The following ZNF669 variants were observed in gnomAD, a reference collection of about 807,000 sequenced individuals.
ZNF669 encodes the protein zinc finger protein 669.
In ZNF669, 7 loss-of-function variants were observed where a neutral mutation model predicts 11.4. That is an observed-to-expected ratio of 0.62 (90% CI 0.35 to 1.16). ZNF669 has a LOEUF of 1.16. Ranked by LOEUF, ZNF669 falls within the 50% of genes most tolerant of loss-of-function variation. ZNF669 has a pLI of 0.02. For synonymous variants in ZNF669, 153 were observed against 155.8 expected, an observed-to-expected ratio of 0.98 and a Z score of 0.13; for missense variants, 492 against 463.6, an observed-to-expected ratio of 1.06 and a Z score of -0.56.
In ZNF669 at chr1:247,100,150, A is replaced by G. The variant is rs557606951; in HGVS notation, c.*224T>C. 1 of 400,680 alleles carries G rather than the reference A, an allele frequency of 2.5e-6. No individual in the cohort carries two copies. Among genetic ancestry groups the G allele is most frequent in the Non-Finnish European group, 4.4e-6 (1 of 224,788 alleles). The allele number at this position is 400,680 out of a possible 1,614,324, so 24.8% of individuals were successfully genotyped here. On this transcript the variant is annotated 3_prime_UTR_variant, in exon 4 of 4. Transcript: ENST00000448299. The stretch of plus-strand genomic sequence containing the variant: ...CAGGCGTCTGCCACCACGCCCAGCT[A>G]ATTTTTTGTATTTTTAGTAGAGACG...
chr1:247,100,362 G>T lies in ZNF669; in HGVS notation c.*12C>A. ...CATTGTTTTAATCCAGGCTGGTTATGAACTCCTGGGCTCAAGCAATCCACA... is the reference window on the plus strand; with the variant it reads ...CATTGTTTTAATCCAGGCTGGTTATTAACTCCTGGGCTCAAGCAATCCACA... On this transcript the variant is annotated 3_prime_UTR_variant, in exon 4 of 4. Coordinates refer to ENST00000448299, the MANE Select transcript of ZNF669 (RefSeq NM_001142572.2). 6.8e-7 allele frequency: 1 copy of T among 1,475,840 alleles called. No homozygotes were observed. Among genetic ancestry groups the T allele is most frequent in the South Asian group, 1.2e-5 (1 of 82,990 alleles). 91.4% of individuals were successfully genotyped at this position (1,475,840 alleles called of 1,614,324 possible). A position where few individuals can be genotyped will look rare whatever the true frequency, so the allele number is the denominator to read the frequency against.
rs370332542 is a variant in ZNF669, at chr1:247,100,595, A to T, written c.916T>A (p.Cys306Ser). The change falls in exon 4 of 4, where the codon TGT becomes AGT. Residue 306 changes from cysteine (C) to serine (S), a missense_variant. Coordinates refer to ENST00000448299, the MANE Select transcript of ZNF669 (RefSeq NM_001142572.2). ...CTGAAGGCTTGATCACATTGTTTAC[A>T]TTCATAGGGTTTCTCTCCGGTATGA... The part of the protein sequence containing the change: ...STHTGEKPYE[C>S]KQCDQAFSRL... 7.4e-6 allele frequency: 12 copies of T among 1,614,100 alleles called. No individual in the cohort carries two copies. The African/African-American group carries it at 1.6e-4, about 22-fold the overall frequency.
Position 247,100,402 on chromosome 1 carries a change from A to G in ZNF669, c.1109T>C (p.Leu370Ser), listed in dbSNP as rs766832571. Residue 370 changes from leucine (L) to serine (S), a missense_variant, in exon 4 of 4, where the codon TTG (leucine) becomes TCG (serine). Transcript: ENST00000448299. The stretch of plus-strand genomic sequence containing the variant: ...AGCAATCCACACGCCTTGGCCTCCC[A>G]AAGTGCTGGGATTATAGGCTGAGTC... ...CSDSAYNPSTLGGQGVWIA is the reference protein window; with the variant it reads ...CSDSAYNPSTSGGQGVWIA 2.0e-5 allele frequency: 33 copies of G among 1,611,556 alleles called. No individual in the cohort carries two copies. The East Asian group carries it at 5.8e-4, about 28-fold the overall frequency.
Position 247,101,088 on chromosome 1 carries a change from A to T in ZNF669, c.423T>A (p.Cys141Ter). 6.2e-7 allele frequency: 1 copy of T among 1,614,090 alleles called. No individual in the cohort carries two copies. Among genetic ancestry groups the T allele is most frequent in the Non-Finnish European group, 8.5e-7 (1 of 1,180,028 alleles). Reference protein sequence around the residue: ...YGEKQYKCEQCGKFFVSVPGV... With the variant: ...YGEKQYKCEQ ...CTGGAACAGAAACGAAGAATTTCCC[A>T]CACTGTTCACATTTATATTGCTTCT... The change falls in exon 4 of 4, where the codon TGT (cysteine) becomes TGA (stop). Residue 141 changes from cysteine to a stop codon, truncating the protein, a stop_gained. Coordinates refer to ENST00000448299, the MANE Select transcript of ZNF669 (RefSeq NM_001142572.2). LOFTEE classifies it low-confidence loss of function (END_TRUNC).
Position 247,100,822 on chromosome 1 carries a change from C to A in ZNF669, c.689G>T (p.Arg230Ile), listed in dbSNP as rs764675820. ...ATGCGTCTTAAAAGAACAAGAAAAT[C>A]TGAATGTTTTCCCACATTCCTTACA... ...YECKECGKTF[R>I]FSCSFKTHER... The change falls in exon 4 of 4, where the codon AGA becomes ATA. Residue 230 changes from arginine to isoleucine, a missense_variant. By Grantham distance (97) the Arg-to-Ile change is moderately conservative (BLOSUM62 -3). Coordinates refer to ENST00000448299, the MANE Select transcript of ZNF669 (RefSeq NM_001142572.2). 1.2e-6 allele frequency: 2 copies of A among 1,613,934 alleles called. No homozygotes were observed. The highest frequency in any genetic ancestry group is 1.1e-5 in the South Asian group (1 of 91,032).
chr1:247,100,033 G>C lies in ZNF669; in HGVS notation c.*341C>G, dbSNP rs1572038072. On this transcript the variant is annotated 3_prime_UTR_variant, in exon 4 of 4. Transcript: ENST00000448299. ...AGAGTCTCACTCTGTCACCCAGGCT[G>C]AAGTGCAGTGGTGCGATCTCGGCTC... 2 of 201,466 alleles carry C rather than the reference G, an allele frequency of 9.9e-6. No homozygotes were observed. Among genetic ancestry groups the C allele is most frequent in the Admixed American group, 1.0e-4 (2 of 19,058 alleles). 12.5% of individuals were successfully genotyped at this position (201,466 alleles called of 1,614,324 possible).
chr1:247,101,800 C>A lies in ZNF669; in HGVS notation c.131-9G>T, dbSNP rs141413093. The A allele has an allele frequency of 6.4e-4, 1,031 of 1,613,292 alleles. 6 individuals are homozygous for A. In the African/African-American group the frequency reaches 0.011, roughly 18 times the overall value. ...GTCTTTCCATTGGCTTCCTAAAATG[C>A]AGACCCATAAAATTATCATGAATTA... On this transcript the variant is annotated splice_polypyrimidine_tract_variant and intron_variant, in intron 2 of 3. Transcript: ENST00000448299.
rs1311138996 is a variant in ZNF669, at chr1:247,101,118, A to G, written c.393T>C (p.Tyr131=). ...GTTCACATTTATATTGCTTCTCTCC[A>G]TATGGTTTGTATCCTGAGTGAGCTA... ...HILAHSGYKP[Y]GEKQYKCEQC... is the part of the protein sequence containing the mutation. Residue 131 remains tyrosine, a synonymous_variant, in exon 4 of 4, where the codon TAT becomes TAC. Transcript: ENST00000448299. The G allele has an allele frequency of 6.2e-7, 1 of 1,614,090 alleles. No homozygotes were observed. The highest frequency in any genetic ancestry group is 1.1e-5 in the South Asian group (1 of 91,076).
In ZNF669 at chr1:247,101,274, C is replaced by T. The variant is rs537077599; in HGVS notation, c.237G>A (p.Gln79=). Residue 79 remains glutamine, a synonymous_variant, in exon 4 of 4, where the codon CAG becomes CAA. Transcript: ENST00000448299. ...GAATTTGGCTGACAACTTCTCCATACTGACCATCTTCTTTACTTTCACACA... is the reference window on the plus strand; with the variant it reads ...GAATTTGGCTGACAACTTCTCCATATTGACCATCTTCTTTACTTTCACACA... ...QRLCESKEDG[Q]YGEVVSQIPN... 2 of 1,608,846 alleles carry T rather than the reference C, an allele frequency of 1.2e-6. No homozygotes were observed. Among genetic ancestry groups the T allele is most frequent in the Admixed American group, 1.7e-5 (1 of 59,608 alleles).
intron 1 of ZNF669, among the ~76,000 whole-genome samples, chr1:247,102,437 T>C (rs1671743291): frequency 6.6e-6 from 1 of 152,256 alleles, no homozygotes; most frequent in Admixed American, 6.5e-5. Flanking sequence ...TCCTACCTGA[T>C]GTGCATAAGT....
In ZNF669 at chr1:247,100,736, A is replaced by G; in HGVS notation, c.775T>C (p.Cys259Arg). ...KCTKCDKAFS[C>R]STSLRYHGSI... ...CCATGGTAACGAAGGGAAGTGGAAC[A>G]GCTGAAGGCTTTATCACATTTGGTA... Residue 259 changes from cysteine (C) to arginine (R), a missense_variant, in exon 4 of 4, where the codon TGT becomes CGT. Cys to Arg is a radical substitution (Grantham distance 180). Coordinates refer to ENST00000448299, the MANE Select transcript of ZNF669 (RefSeq NM_001142572.2). 1.9e-6 allele frequency: 3 copies of G among 1,614,224 alleles called. No homozygotes were observed. Among genetic ancestry groups the G allele is most frequent in the Non-Finnish European group, 2.5e-6 (3 of 1,180,030 alleles).
rs771367584 is a variant in ZNF669, at chr1:247,100,949, CTGTG to C, written c.558_561del (p.His186GlnfsTer22). 1 of 1,613,426 alleles carries C rather than the reference CTGTG, an allele frequency of 6.2e-7. No individual in the cohort carries two copies. Among genetic ancestry groups the C allele is most frequent in the Admixed American group, 1.7e-5 (1 of 59,914 alleles). ...TGTTTACATTTATAGGGTTTTTCTC[CTGTG>C]TGAGTTCTCTGATGTCTTTCAACTG... On this transcript the variant is annotated frameshift_variant, in exon 4 of 4. Coordinates refer to ENST00000448299, the MANE Select transcript of ZNF669 (RefSeq NM_001142572.2). LOFTEE classifies it low-confidence loss of function (END_TRUNC).
In ZNF669 at chr1:247,100,839, T is replaced by C; in HGVS notation, c.672A>G (p.Glu224=). ...AAGAAAATCTGAATGTTTTCCCACA[T>C]TCCTTACATTCGTAGGGTTTCTCTC... is the stretch of plus-strand genomic sequence containing the variant. The part of the protein sequence containing the change: ...HTGEKPYECK[E]CGKTFRFSCS... The change falls in exon 4 of 4, where the codon GAA becomes GAG. Residue 224 remains glutamate (E), a synonymous_variant. Transcript: ENST00000448299. 1.2e-6 allele frequency: 2 copies of C among 1,614,130 alleles called. No homozygotes were observed.
intron 1 of ZNF669, chr1:247,103,923 G>A (rs752071705): frequency 6.3e-7 from 1 of 1,586,748 alleles, no homozygotes; most frequent in Non-Finnish European, 8.5e-7. Flanking sequence ...TCACCCTCCC[G>A]TGGTCACCAC....
At position 247,100,319 on chromosome 1, in the gene ZNF669, G is replaced by C; in HGVS notation, c.*55C>G. The stretch of plus-strand genomic sequence containing the variant: ...TTTTGTAAAGACAGGGTTTCACCAT[G>C]TTGCCCAGGTTGTTTCACATTGTTT... On this transcript the variant is annotated 3_prime_UTR_variant, in exon 4 of 4. Transcript: ENST00000448299. 9.3e-7 allele frequency: 1 copy of C among 1,071,224 alleles called. No individual in the cohort carries two copies. The highest frequency in any genetic ancestry group is 2.4e-5 in the East Asian group (1 of 41,998). 66.4% of individuals were successfully genotyped at this position (1,071,224 alleles called of 1,614,324 possible).
In ZNF669 at chr1:247,101,010, C is replaced by T. The variant is rs769452495; in HGVS notation, c.501G>A (p.Thr167=). ...GAAAATAAAAAGCTTTCCCACATAT[C>T]GTACATTTATAAGCTGGATTTCCAC... The part of the protein sequence containing the change: ...MHSGNPAYKC[T]ICGKAFYFLN... Residue 167 remains threonine (T), a synonymous_variant, in exon 4 of 4, where the codon ACG becomes ACA. Coordinates refer to ENST00000448299, the MANE Select transcript of ZNF669 (RefSeq NM_001142572.2). The T allele has an allele frequency of 8.7e-6, 14 of 1,613,594 alleles. No homozygotes were observed. The highest frequency in any genetic ancestry group is 1.1e-5 in the South Asian group (1 of 90,980).
rs1671690247 is a variant in ZNF669 at position 247,100,312 on chromosome 1, T to A, written c.*62A>T. ...TTTTATTTTTTGTAAAGACAGGGTT[T>A]CACCATGTTGCCCAGGTTGTTTCAC... On this transcript the variant is annotated 3_prime_UTR_variant, in exon 4 of 4. Transcript: ENST00000448299. The A allele has an allele frequency of 9.8e-7, 1 of 1,020,168 alleles. No homozygotes were observed. The allele number at this position is 1,020,168 out of a possible 1,614,324, so 63.2% of individuals were successfully genotyped here. A position where few individuals can be genotyped will look rare whatever the true frequency, so the allele number is the denominator to read the frequency against.
rs116216626 is a variant in ZNF669, at chr1:247,100,794, T to C, written c.717A>G (p.Glu239=). Residue 239 remains glutamate (E), a synonymous_variant, in exon 4 of 4, where the codon GAA becomes GAG. Coordinates refer to ENST00000448299, the MANE Select transcript of ZNF669 (RefSeq NM_001142572.2). ...AGGGTCTTTCTCCAGTGTGAGTCCT[T>C]TCATGCGTCTTAAAAGAACAAGAAA... The part of the protein sequence containing the change: ...FRFSCSFKTH[E]RTHTGERPYK... The C allele has an allele frequency of 2.6e-4, 416 of 1,613,916 alleles. 2 individuals carry two copies. The highest frequency in any genetic ancestry group is 3.3e-4 in the Non-Finnish European group (393 of 1,179,906).
In ZNF669 at chr1:247,100,647, C is replaced by CA. The variant is rs1450303140; in HGVS notation, c.863dup (p.Leu288PhefsTer6). The CA allele has an allele frequency of 6.2e-7, 1 of 1,613,986 alleles. No homozygotes were observed. The highest frequency in any genetic ancestry group is 2.2e-5 in the East Asian group (1 of 44,880). On this transcript the variant is annotated frameshift_variant, in exon 4 of 4. Transcript: ENST00000448299. LOFTEE classifies it low-confidence loss of function (END_TRUNC). ...TACTTCTATGGTTACAAAGGGAACTCAAACGACTAAAGGCTTTGCCACATT... is the reference window on the plus strand; with the variant it reads ...TACTTCTATGGTTACAAAGGGAACTCAAAACGACTAAAGGCTTTGCCACATT...
Sources: gnomAD v4.1 joint callset for allele counts (sites outside exome capture counted in the v4.1 genomes callset) on GRCh38, gnomAD v4.1.1 for gene constraint, MANE v1.5 for transcripts, NCBI Gene and HGNC (gene_info 2026-07-23, HGNC 2026-07-21) for gene names.